The following PCCA variants were observed in gnomAD, a reference collection of about 807,000 sequenced individuals.
The protein encoded by PCCA is propionyl-CoA carboxylase alpha chain, mitochondrial.
PCCA carries 74 observed loss-of-function variants against 101.3 expected under a neutral mutation model. The ratio of observed to expected loss-of-function variants is 0.73; its 90% CI spans 0.61 to 0.89. The LOEUF (loss-of-function observed/expected upper bound fraction) is 0.89. Ranked by LOEUF, PCCA falls within the 40% of genes least tolerant of loss-of-function variation. The pLI, the probability that PCCA is intolerant of heterozygous loss-of-function variation, is 0.00. For missense variants in PCCA, 891 were observed against 907.0 expected, an observed-to-expected ratio of 0.98 and a Z score of 0.23; for synonymous variants, 294 against 313.6, an observed-to-expected ratio of 0.94 and a Z score of 0.66.
intron 18 of PCCA, among the ~76,000 whole-genome samples, chr13:100,364,429 A>G (rs890731543): frequency 6.6e-6 from 1 of 152,250 alleles, no homozygotes; most frequent in African/African-American, 2.4e-5. Flanking sequence ...AGTAAGTATT[A>G]TAAATGTATT....
At chr13:100,446,218 A>G (rs1325455261) in intron 20 of PCCA, among the ~76,000 whole-genome samples, 1 of 151,962 alleles carries the variant, frequency 6.6e-6, no homozygotes, top group Admixed American at 6.6e-5. Context: ...TTATATTTTT[A>G]GTAGAGCCAC....
chr13:100,204,012 A>G (rs2152469609), intron 6 of PCCA, among the ~76,000 whole-genome samples: 1 of 152,286 alleles, frequency 6.6e-6, no homozygotes, highest in East Asian at 1.9e-4. Context: ...TCATGTGCTA[A>G]CTTCCTGAAC....
chr13:100,307,355 A>C, intron 15 of PCCA, 95 bp downstream of exon 15: 1 of 846,194 alleles, frequency 1.2e-6, no homozygotes, highest in Non-Finnish European at 1.9e-6. Flanking sequence ...ATCATAAGCT[A>C]TAATTAAACA....
chr13:100,449,486 T>C (rs901673656), intron 21 of PCCA, among the ~76,000 whole-genome samples, 181 bp downstream of exon 21: 1 of 152,284 alleles, frequency 6.6e-6, no homozygotes, highest in South Asian at 2.1e-4. Flanking sequence ...TTTTAGTGTT[T>C]GGAATTATTA....
chr13:100,228,307 T>C lies in PCCA; in HGVS notation c.601-7535T>C, dbSNP rs149568950. Among the ~76,000 whole-genome samples, 1,094 of 152,290 alleles carry C rather than the reference T, an allele frequency of 7.2e-3. 22 individuals are homozygous for C. The highest frequency in any genetic ancestry group is 0.028 in the South Asian group (133 of 4,828). On this transcript the variant is annotated intron_variant, in intron 7 of 23. Transcript: ENST00000376285. ...CTGGGATTACAGGCGTGAGCCACCA[T>C]GCCTGGCATATTTGACTTTTCTTCC... is the stretch of plus-strand genomic sequence containing the variant.
At chr13:100,135,146 C>T (rs1007546561) in intron 4 of PCCA, among the ~76,000 whole-genome samples, 2 of 151,778 alleles carry the variant, frequency 1.3e-5, no homozygotes, top group African/African-American at 4.8e-5. Context: ...GTAATCCTAG[C>T]ACTTTGGGAG....
intron 16 of PCCA, among the ~76,000 whole-genome samples, chr13:100,317,995 C>G (rs1204095610): frequency 6.6e-6 from 1 of 152,160 alleles, no homozygotes; most frequent in Non-Finnish European, 1.5e-5. Context: ...GGACCCCAGC[C>G]TTGCCATTTT....
chr13:100,195,207 G>A (rs1408425377), intron 6 of PCCA, among the ~76,000 whole-genome samples: 1 of 152,110 alleles, frequency 6.6e-6, no homozygotes, highest in African/African-American at 2.4e-5. Flanking sequence ...TCCATGAGGA[G>A]GACCTTAGCA....
At chr13:100,456,707 A>G (rs143376961) in intron 21 of PCCA, among the ~76,000 whole-genome samples, 1,620 of 152,296 alleles carry the variant, frequency 0.011, 91 homozygotes, top group Admixed American at 0.091. Flanking sequence ...ACTTATAAGA[A>G]AGATCAAAGA....
At chr13:100,231,838 C>T (rs187532800) in intron 7 of PCCA, among the ~76,000 whole-genome samples, 1 of 152,200 alleles carries the variant, frequency 6.6e-6, no homozygotes, top group East Asian at 1.9e-4. Context: ...TCCTGAGTAG[C>T]TGGGATTATA....
chr13:100,188,805 G>C (rs1048057340), intron 6 of PCCA, among the ~76,000 whole-genome samples: 2 of 151,972 alleles, frequency 1.3e-5, no homozygotes, highest in Admixed American at 6.6e-5. Context: ...GCATTTCCCT[G>C]ATCTTTAGTG....
intron 6 of PCCA, among the ~76,000 whole-genome samples, chr13:100,159,647 A>T (rs1432231206): frequency 1.3e-5 from 2 of 152,166 alleles, no homozygotes; most frequent in Non-Finnish European, 1.5e-5. Flanking sequence ...TTAGAGAAAA[A>T]CCTGTAGAAT....
chr13:100,204,168 C>T (rs2058712478), intron 6 of PCCA, among the ~76,000 whole-genome samples: 1 of 149,978 alleles, frequency 6.7e-6, no homozygotes, highest in South Asian at 2.1e-4. Context: ...CTTGCTCTGT[C>T]ATCCAGGCTG....
At chr13:100,487,788 G>A (rs1346926944) in intron 21 of PCCA, among the ~76,000 whole-genome samples, 3 of 151,472 alleles carry the variant, frequency 2.0e-5, no homozygotes, top group Non-Finnish European at 4.4e-5. Context: ...GCAGTGGCAG[G>A]ATCATAGCTC....
chr13:100,317,634 T>G (rs1159627654), intron 16 of PCCA, among the ~76,000 whole-genome samples: 2 of 152,198 alleles, frequency 1.3e-5, no homozygotes, highest in Non-Finnish European at 2.9e-5. Context: ...TCACTTAGGC[T>G]GGAGTGCAGT....
chr13:100,285,582 G>A (rs375131935), intron 12 of PCCA, among the ~76,000 whole-genome samples: 31 of 152,216 alleles, frequency 2.0e-4, no homozygotes, highest in African/African-American at 7.5e-4. Context: ...GATGTAAATG[G>A]CATACTAGGT....
At chr13:100,487,785 C>T (rs554783986) in intron 21 of PCCA, among the ~76,000 whole-genome samples, 1 of 152,076 alleles carries the variant, frequency 6.6e-6, no homozygotes, top group East Asian at 1.9e-4. Flanking sequence ...AGTGCAGTGG[C>T]AGGATCATAG....
chr13:100,311,107 G>A (rs571171952), intron 16 of PCCA, among the ~76,000 whole-genome samples: 12 of 151,910 alleles, frequency 7.9e-5, no homozygotes, highest in East Asian at 1.9e-4. Context: ...GGTGGTGGGC[G>A]TCTGTAATCC....
At chr13:100,335,260 A>G (rs912636155) in intron 17 of PCCA, among the ~76,000 whole-genome samples, 15 of 152,220 alleles carry the variant, frequency 9.9e-5, no homozygotes, top group Non-Finnish European at 5.9e-5. Flanking sequence ...AGGTAAGATG[A>G]TAGCTTAAAA....
Sources: allele counts gnomAD v4.1 joint callset (sites outside exome capture counted in the v4.1 genomes callset), GRCh38; gene constraint gnomAD v4.1.1; transcripts MANE v1.5; gene names NCBI Gene and HGNC (gene_info 2026-07-23, HGNC 2026-07-21).